The following NFASC variants were observed in gnomAD, a reference collection of about 807,000 sequenced individuals.
NFASC encodes the protein neurofascin homolog.
Under a neutral mutation model 147.5 loss-of-function variants are expected in NFASC, and 43 were observed. That is an observed-to-expected ratio of 0.29 (90% CI 0.23 to 0.38). The LOEUF (loss-of-function observed/expected upper bound fraction) is 0.38, where lower values mean the gene tolerates loss of function less well. Ranked by LOEUF, NFASC falls within the 10% of genes least tolerant of loss-of-function variation. The pLI, the probability that NFASC is intolerant of heterozygous loss-of-function variation, is 1.00. For synonymous variants in NFASC, 622 were observed against 665.5 expected, an observed-to-expected ratio of 0.93 and a Z score of 1.01; for missense variants, 1,320 against 1,689.0, an observed-to-expected ratio of 0.78 and a Z score of 3.83.
At position 204,849,817 on chromosome 1, in the gene NFASC, C is replaced by T. The variant is rs185104769; in HGVS notation, c.-200+21035C>T. ...AAGCAAGAGCAGGCACAGCAGGCCT[C>T]TGAGGGCCAGGAGTCCCAATCCTAA... On this transcript the variant is annotated intron_variant, in intron 1 of 29. Transcript: ENST00000339876. 1.0e-3 allele frequency among the ~76,000 whole-genome samples: 158 copies of T among 152,296 alleles called. 1 individual carries two copies. The highest frequency in any genetic ancestry group is 4.6e-3 in the South Asian group (22 of 4,830).
At chr1:205,003,832 C>T (rs1353625961) in intron 27 of NFASC, among the ~76,000 whole-genome samples, 2 of 152,218 alleles carry the variant, frequency 1.3e-5, no homozygotes, top group Non-Finnish European at 1.5e-5. Flanking sequence ...GTAAACGTCT[C>T]ACCCCACCCC....
At chr1:204,965,823 G>C (rs1274982946) in intron 8 of NFASC, among the ~76,000 whole-genome samples, 7 of 152,248 alleles carry the variant, frequency 4.6e-5, no homozygotes, top group Non-Finnish European at 1.0e-4. Flanking sequence ...AGGCAATGTA[G>C]AGTGGGTGGA....
chr1:204,954,554 A>G lies in NFASC; in HGVS notation c.412+170A>G, dbSNP rs938097720. Among the ~76,000 whole-genome samples, 6 of 152,082 alleles carry G rather than the reference A, an allele frequency of 3.9e-5. No individual in the cohort carries two copies. Among genetic ancestry groups the G allele is most frequent in the African/African-American group, 1.4e-4 (6 of 41,424 alleles). On this transcript the variant is annotated intron_variant, in intron 6 of 29. Transcript: ENST00000339876. The surrounding 1 kb of genome is among the most constrained non-coding windows in gnomAD (Gnocchi z 5.7). ...TGATTCCCTGGAAAGGAAGCTCCCA[A>G]AGCTTCCTTTTGAAGTTGTTGTCTG...
chr1:204,858,035 TCAGC>T (rs1448679646), intron 1 of NFASC, among the ~76,000 whole-genome samples: 1 of 151,052 alleles, frequency 6.6e-6, no homozygotes, highest in Admixed American at 6.6e-5. Context: ...TTCTCCTGTC[TCAGC>T]CTCCCAAGTA....
intron 2 of NFASC, among the ~76,000 whole-genome samples, chr1:204,922,936 C>T (rs1010933538): frequency 2.6e-5 from 4 of 152,230 alleles, no homozygotes; most frequent in Non-Finnish European, 4.4e-5. Flanking sequence ...AGGCACTGTG[C>T]CCTGCGCTCC....
intron 2 of NFASC, among the ~76,000 whole-genome samples, chr1:204,929,667 T>C (rs1293843204): frequency 2.0e-5 from 3 of 152,032 alleles, no homozygotes; most frequent in Non-Finnish European, 2.9e-5. Flanking sequence ...TATGGTGAGA[T>C]GTAATTCTGT....
Position 204,968,427 on chromosome 1 carries a change from G to C in NFASC, c.818+67G>C, listed in dbSNP as rs1368918328. The C allele has an allele frequency of 4.1e-6, 5 of 1,223,616 alleles. No homozygotes were observed. The Admixed American group carries it at 8.7e-5, about 21-fold the overall frequency. The allele number at this position is 1,223,616 out of a possible 1,614,324, so 75.8% of individuals were successfully genotyped here. A position where few individuals can be genotyped will look rare whatever the true frequency, so the allele number is the denominator to read the frequency against. On this transcript the variant is annotated intron_variant, in intron 9 of 29. Coordinates refer to ENST00000339876, the MANE Select transcript of NFASC (RefSeq NM_001005388.3). The surrounding 1 kb of genome is among the most constrained non-coding windows in gnomAD (Gnocchi z 5.4). ...AGGATGGGGATGGGAGCTTGTTCAT[G>C]CTCTTGTTAATGCCACATTTAGTGC...
chr1:204,975,124 C>A lies in NFASC; in HGVS notation c.1559-147C>A. The A allele has an allele frequency of 1.1e-6, 1 of 873,518 alleles. No individual in the cohort carries two copies. Among genetic ancestry groups the A allele is most frequent in the Non-Finnish European group, 1.7e-6 (1 of 576,964 alleles). The allele number at this position is 873,518 out of a possible 1,614,324, so 54.1% of individuals were successfully genotyped here. A position where few individuals can be genotyped will look rare whatever the true frequency, so the allele number is the denominator to read the frequency against. On this transcript the variant is annotated intron_variant, in intron 14 of 29. Coordinates refer to ENST00000339876, the MANE Select transcript of NFASC (RefSeq NM_001005388.3). The surrounding 1 kb of genome is among the most constrained non-coding windows in gnomAD (Gnocchi z 4.0). ...CTTTGGGGATTACCCACCCAGAACT[C>A]TGCTCCGTTCATACCATAGCATACT...
rs570136465 is a variant in NFASC at position 204,862,896 on chromosome 1, C to T, written c.-200+34114C>T. Reference sequence around the variant, plus strand: ...AGACTACTCAAGGCTTCCCTGTAAACTTCAAATATTTTAGCCAGCTTTGGA... The same window carrying T: ...AGACTACTCAAGGCTTCCCTGTAAATTTCAAATATTTTAGCCAGCTTTGGA... On this transcript the variant is annotated intron_variant, in intron 1 of 29. Transcript: ENST00000339876. Among the ~76,000 whole-genome samples, 19 of 152,280 alleles carry T rather than the reference C, an allele frequency of 1.2e-4. 2 individuals carry two copies. The highest frequency in any genetic ancestry group is 4.6e-4 in the African/African-American group (19 of 41,550).
At position 204,976,842 on chromosome 1, in the gene NFASC, C is replaced by T. The variant is rs550407457; in HGVS notation, c.1831+47C>T. ...GGCACTGACCAGCCCCACCCCCTCC[C>T]CAGCAGCCAGAGAAGCAGTGGCCCG... On this transcript the variant is annotated intron_variant, in intron 16 of 29. Coordinates refer to ENST00000339876, the MANE Select transcript of NFASC (RefSeq NM_001005388.3). 6.3e-6 allele frequency: 10 copies of T among 1,586,812 alleles called. No homozygotes were observed. The South Asian group carries it at 1.0e-4, about 16-fold the overall frequency.
intron 1 of NFASC, among the ~76,000 whole-genome samples, chr1:204,865,949 A>G (rs750506303): frequency 2.0e-5 from 3 of 152,196 alleles, no homozygotes; most frequent in Non-Finnish European, 4.4e-5. Flanking sequence ...TGGGAGTTCC[A>G]TTTGTACCAC....
intron 1 of NFASC, among the ~76,000 whole-genome samples, chr1:204,841,342 G>A (rs1558482560): frequency 6.6e-6 from 1 of 152,230 alleles, no homozygotes; most frequent in Non-Finnish European, 1.5e-5. Context: ...TACCCATTGG[G>A]AAACTCTGGG....
intron 1 of NFASC, among the ~76,000 whole-genome samples, chr1:204,834,823 C>T (rs1673219134): frequency 1.3e-5 from 2 of 152,082 alleles, no homozygotes; most frequent in African/African-American, 4.8e-5. Flanking sequence ...TTCTTGGCAC[C>T]CAGAGTTGGA....
rs752016081 is a variant in NFASC, at chr1:204,982,003, G to C, written c.2453G>C (p.Gly818Ala). The change falls in exon 21 of 30, where the codon GGT (glycine) becomes GCT (alanine). Residue 818 changes from glycine to alanine, a missense_variant. Physicochemically the swap from Gly to Ala is moderately conservative, Grantham distance 60. Transcript: ENST00000339876. The part of the protein sequence containing the change: ...GKGPEPESVI[G>A]YSGEDLPSAP... ...GGCCCTGAGCCAGAGTCCGTCATCGGTTACTCCGGAGAAGATTGTGAGTAG... is the reference window on the plus strand; with the variant it reads ...GGCCCTGAGCCAGAGTCCGTCATCGCTTACTCCGGAGAAGATTGTGAGTAG... The C allele has an allele frequency of 1.3e-6, 2 of 1,584,570 alleles. No homozygotes were observed. Among genetic ancestry groups the C allele is most frequent in the Non-Finnish European group, 1.7e-6 (2 of 1,165,578 alleles).
intron 8 of NFASC, chr1:204,967,779 T>C (rs2095043158): frequency 1.3e-5 from 2 of 153,868 alleles, no homozygotes; most frequent in Admixed American, 6.5e-5. Context: ...CAGCACCTTG[T>C]TTTCAGGGTC....
chr1:204,878,696 C>T (rs899099014), intron 1 of NFASC, among the ~76,000 whole-genome samples: 2 of 152,258 alleles, frequency 1.3e-5, no homozygotes, highest in Non-Finnish European at 2.9e-5. Context: ...CCAGCGGATT[C>T]TTCTCTTTGA....
intron 27 of NFASC, among the ~76,000 whole-genome samples, chr1:205,006,354 C>T (rs979434626): frequency 8.5e-5 from 13 of 152,222 alleles, no homozygotes; most frequent in African/African-American, 2.9e-4. Context: ...AACCAGGACC[C>T]AGGAAATAGA....
At position 204,954,528 on chromosome 1, in the gene NFASC, A is replaced by G. The variant is rs1488048312; in HGVS notation, c.412+144A>G. On this transcript the variant is annotated intron_variant, in intron 6 of 29. Coordinates refer to ENST00000339876, the MANE Select transcript of NFASC (RefSeq NM_001005388.3). This position sits in a 1 kb window ranked among gnomAD's most constrained non-coding sequence, Gnocchi z 5.7. ...CTCTATGCATCTTCCCCACCTCAGA[A>G]TGATTCCCTGGAAAGGAAGCTCCCA... The G allele has an allele frequency of 3.9e-6, 3 of 776,760 alleles. No homozygotes were observed. Among genetic ancestry groups the G allele is most frequent in the South Asian group, 3.7e-5 (2 of 54,480 alleles). 48.1% of individuals were successfully genotyped at this position (776,760 alleles called of 1,614,324 possible).
At chr1:205,002,519 A>C in intron 26 of NFASC, 77 bp from the exon 27 acceptor site, 1 of 1,218,078 alleles carries the variant, frequency 8.2e-7, no homozygotes, top group East Asian at 2.8e-5. Context: ...TACCTTTGAC[A>C]GGTGACCAGG....
Sources: gnomAD v4.1 joint callset for allele counts (sites outside exome capture counted in the v4.1 genomes callset) on GRCh38, gnomAD v4.1.1 for gene constraint, Gnocchi (gnomAD v3.1) non-coding constraint, MANE v1.5 for transcripts, NCBI Gene and HGNC (gene_info 2026-07-23, HGNC 2026-07-21) for gene names.